Variants in MOB1B observed in about 807,000 individuals in gnomAD.
MOB1B encodes the protein MOB kinase activator 1B.
A neutral mutation model predicts 24.4 loss-of-function variants in MOB1B; 19 were observed. That is an observed-to-expected ratio of 0.78 (90% CI 0.54 to 1.14). The LOEUF is 1.14. Among genes scored for constraint, MOB1B ranks in the 50% most tolerant of loss-of-function variants. The pLI, the probability that MOB1B is intolerant of heterozygous loss-of-function variation, is 0.00. For missense variants in MOB1B, 243 were observed against 259.6 expected (o/e 0.94, Z 0.44); for synonymous variants, 76 against 82.1 (o/e 0.93, Z 0.40).
intron 1 of MOB1B, among the ~76,000 whole-genome samples, chr4:70,941,410 C>T (rs946188419): frequency 1.3e-5 from 2 of 152,132 alleles, no homozygotes; most frequent in East Asian, 1.9e-4. Flanking sequence ...GTGGTGATCT[C>T]GGCTCACTGA....
chr4:70,976,154 G>A (rs952629718), intron 4 of MOB1B: 190 of 948,046 alleles, frequency 2.0e-4, no homozygotes, highest in Non-Finnish European at 2.3e-4. Context: ...TACCCACCTC[G>A]GCCTCCCAAA....
Position 70,933,542 on chromosome 4 carries a change from C to CTTT in MOB1B, c.15-25307_15-25305dup, listed in dbSNP as rs34950388. 5.3e-4 allele frequency among the ~76,000 whole-genome samples: 49 copies of CTTT among 91,620 alleles called. 1 individual carries two copies. Among genetic ancestry groups the CTTT allele is most frequent in the Non-Finnish European group, 8.8e-4 (39 of 44,476 alleles). 60.1% of individuals were successfully genotyped at this position (91,620 alleles called of 152,430 possible). A position where few individuals can be genotyped will look rare whatever the true frequency, so the allele number is the denominator to read the frequency against. On this transcript the variant is annotated intron_variant, in intron 1 of 5. Transcript: ENST00000309395. Reference sequence around the variant, plus strand: ...TATAGGGCTTGTAATAAAAATAACTCTTTTTTTTTTTTTTTTTTTTTTTTT... The same window carrying CTTT: ...TATAGGGCTTGTAATAAAAATAACTCTTTTTTTTTTTTTTTTTTTTTTTTTTTT...
At chr4:70,921,676 T>C (rs776452642) in intron 1 of MOB1B, among the ~76,000 whole-genome samples, 1 of 151,948 alleles carries the variant, frequency 6.6e-6, no homozygotes, top group Non-Finnish European at 1.5e-5. Flanking sequence ...GCCCAGCTAA[T>C]TTTTGTATTT....
chr4:70,946,032 A>G (rs969686492), intron 1 of MOB1B, among the ~76,000 whole-genome samples: 1 of 148,296 alleles, frequency 6.7e-6, no homozygotes, highest in African/African-American at 2.5e-5. Context: ...CACTGATTGC[A>G]TTGAATGTCT....
At chr4:70,931,048 G>A (rs2148879138) in intron 1 of MOB1B, among the ~76,000 whole-genome samples, 1 of 144,974 alleles carries the variant, frequency 6.9e-6, no homozygotes, top group South Asian at 2.1e-4. Flanking sequence ...TACTTTCACA[G>A]TGGGCCTTTC....
intron 1 of MOB1B, among the ~76,000 whole-genome samples, chr4:70,951,622 G>GC (rs1279848527): frequency 6.6e-6 from 1 of 152,240 alleles, no homozygotes; most frequent in Non-Finnish European, 1.5e-5. Flanking sequence ...TAGTGGCTGA[G>GC]CATGGTGGCT....
intron 4 of MOB1B, 122 bp downstream of exon 4, chr4:70,975,408 A>G (rs1489253452): frequency 4.8e-6 from 7 of 1,456,260 alleles, no homozygotes; most frequent in South Asian, 3.0e-5. Context: ...TGATATATGT[A>G]TATGTTACGC....
At position 70,975,384 on chromosome 4, in the gene MOB1B, C is replaced by A. The variant is rs931084697; in HGVS notation, c.409+98C>A. ...TTCCACTATATCTAGTTGGAGAGTT[C>A]TTTATGGCTGTGTTGATATATGTAT... On this transcript the variant is annotated intron_variant, in intron 4 of 5. Coordinates refer to ENST00000309395, the MANE Select transcript of MOB1B (RefSeq NM_173468.4). The A allele has an allele frequency of 5.2e-6, 8 of 1,531,754 alleles. No homozygotes were observed. In the Admixed American group the frequency reaches 1.0e-4, roughly 20 times the overall value. The allele number at this position is 1,531,754 out of a possible 1,614,324, so 94.9% of individuals were successfully genotyped here. A position where few individuals can be genotyped will look rare whatever the true frequency, so the allele number is the denominator to read the frequency against.
chr4:70,956,969 T>C (rs1381131913), intron 1 of MOB1B, among the ~76,000 whole-genome samples: 1 of 152,064 alleles, frequency 6.6e-6, no homozygotes, highest in Non-Finnish European at 1.5e-5. Context: ...ATTATAGTAA[T>C]GCAGCCAGGG....
chr4:70,942,967 G>C (rs994556012), intron 1 of MOB1B: 1 of 242,614 alleles, frequency 4.1e-6, no homozygotes, highest in African/African-American at 2.3e-5. Flanking sequence ...ATATATCTCA[G>C]TGGGTTCGGG....
At chr4:70,942,047 G>T (rs1370539944) in intron 1 of MOB1B, among the ~76,000 whole-genome samples, 1 of 152,092 alleles carries the variant, frequency 6.6e-6, no homozygotes. Context: ...TGCATCAGAA[G>T]TATGCTTTGG....
At chr4:70,980,571 G>C (rs1248938539) in intron 5 of MOB1B, among the ~76,000 whole-genome samples, 1 of 152,148 alleles carries the variant, frequency 6.6e-6, no homozygotes, top group East Asian at 1.9e-4. Flanking sequence ...GGGGGCACCT[G>C]CCTTGGGCCC....
intron 1 of MOB1B, among the ~76,000 whole-genome samples, chr4:70,918,575 A>G (rs1347888073): frequency 1.3e-5 from 2 of 151,512 alleles, no homozygotes; most frequent in Non-Finnish European, 2.9e-5. Flanking sequence ...AGTTCATTGT[A>G]GATTCTGGAT....
At chr4:70,957,357 T>C (rs1036102303) in intron 1 of MOB1B, among the ~76,000 whole-genome samples, 1 of 150,724 alleles carries the variant, frequency 6.6e-6, no homozygotes, top group African/African-American at 2.4e-5. Context: ...AGGAGAATAA[T>C]GGACAGGGGT....
At chr4:70,931,748 C>T (rs925255119) in intron 1 of MOB1B, among the ~76,000 whole-genome samples, 1 of 152,158 alleles carries the variant, frequency 6.6e-6, no homozygotes. Context: ...CAATTTTCCA[C>T]CTTTCAGAGA....
chr4:70,910,293 G>A (rs1191716276), intron 1 of MOB1B, among the ~76,000 whole-genome samples: 2 of 151,928 alleles, frequency 1.3e-5, no homozygotes, highest in Non-Finnish European at 1.5e-5. Flanking sequence ...TGCCTGCCTC[G>A]GCCTCCCAAA....
At chr4:70,902,059 C>G (rs1328590995), upstream of MOB1B, among the ~76,000 whole-genome samples, 1 of 152,212 alleles carries the variant, frequency 6.6e-6, no homozygotes, top group Non-Finnish European at 1.5e-5. Context: ...CCTCCCTGAC[C>G]TCTGGAGCCC....
chr4:70,953,186 G>A (rs1027950308), intron 1 of MOB1B, among the ~76,000 whole-genome samples: 7 of 151,766 alleles, frequency 4.6e-5, no homozygotes, highest in South Asian at 2.1e-4. Flanking sequence ...TGATCTGCCC[G>A]CCTCATCCTC....
At chr4:70,903,005 C>A (rs1735580289) in intron 1 of MOB1B, among the ~76,000 whole-genome samples, 1 of 152,206 alleles carries the variant, frequency 6.6e-6, no homozygotes, top group South Asian at 2.1e-4. Context: ...CGTACTTTCC[C>A]CTGTCATCCC....
Sources: allele counts gnomAD v4.1 joint callset (sites outside exome capture counted in the v4.1 genomes callset), GRCh38; gene constraint gnomAD v4.1.1; transcripts MANE v1.5; gene names NCBI Gene and HGNC (gene_info 2026-07-23, HGNC 2026-07-21).